Variants in MICAL2 observed in about 807,000 individuals in gnomAD.
MICAL2 encodes [F-actin]-monooxygenase MICAL2.
A neutral mutation model predicts 127.3 loss-of-function variants in MICAL2; 77 were observed. The ratio of observed to expected loss-of-function variants is 0.60; its 90% CI spans 0.50 to 0.73. The LOEUF (loss-of-function observed/expected upper bound fraction) is 0.73. MICAL2 is among the 30% of genes least tolerant of loss of function. MICAL2 has a pLI of 0.00. For missense variants in MICAL2, 1,351 were observed against 1,434.4 expected, an observed-to-expected ratio of 0.94 and a Z score of 0.94; for synonymous variants, 570 against 551.1, an observed-to-expected ratio of 1.03 and a Z score of -0.48.
intron 3 of MICAL2, among the ~76,000 whole-genome samples, chr11:12,180,556 C>A (rs1267300565): frequency 6.6e-6 from 1 of 152,084 alleles, no homozygotes. Flanking sequence ...AATAACATCA[C>A]AATAGTATAA....
At chr11:12,126,679 G>A (rs1850945125) in intron 1 of MICAL2, among the ~76,000 whole-genome samples, 1 of 148,820 alleles carries the variant, frequency 6.7e-6, no homozygotes, top group Non-Finnish European at 1.5e-5. Flanking sequence ...TTTACAGTGG[G>A]CTTGGGAAAG....
chr11:12,268,323 C>A (rs954815697), downstream of MICAL2, among the ~76,000 whole-genome samples: 52 of 152,206 alleles, frequency 3.4e-4, 1 homozygote, highest in Middle Eastern at 6.3e-3. Context: ...GCAGGTGGGC[C>A]TTGGATGCCT....
At chr11:12,114,811 G>T (rs530567594) in intron 1 of MICAL2, among the ~76,000 whole-genome samples, 33 of 152,300 alleles carry the variant, frequency 2.2e-4, no homozygotes, top group Middle Eastern at 3.4e-3. Flanking sequence ...AATAATAGAA[G>T]AACTATCTGC....
Position 12,131,199 on chromosome 11 carries a change from A to G in MICAL2, c.-148-7191A>G, listed in dbSNP as rs1205082722. Among the ~76,000 whole-genome samples, 2 of 82,040 alleles carry G rather than the reference A, an allele frequency of 2.4e-5. 1 individual carries two copies. The highest frequency in any genetic ancestry group is 6.6e-5 in the African/African-American group (2 of 30,102). 53.8% of individuals were successfully genotyped at this position (82,040 alleles called of 152,430 possible). ...TCCCAGCTACTCGGGAGGCTGAGGCAGGAGAATGGCGTGAACCCGGGAGGC... is the reference window on the plus strand; with the variant it reads ...TCCCAGCTACTCGGGAGGCTGAGGCGGGAGAATGGCGTGAACCCGGGAGGC... On this transcript the variant is annotated intron_variant, in intron 1 of 27. Coordinates refer to ENST00000683283, the MANE Select transcript of MICAL2 (RefSeq NM_001282663.2).
downstream of MICAL2, among the ~76,000 whole-genome samples, chr11:12,267,169 G>T (rs541104535): frequency 6.6e-6 from 1 of 152,140 alleles, no homozygotes; most frequent in Non-Finnish European, 1.5e-5. Flanking sequence ...CCACCTGCCG[G>T]TGGACTTTGG....
intron 22 of MICAL2, chr11:12,254,368 G>C: frequency 6.6e-6 from 1 of 152,274 alleles, no homozygotes; most frequent in East Asian, 1.9e-4. Context: ...CCAAGTCTCA[G>C]CACTGGCCCA....
At chr11:12,134,275 A>G (rs1199943785) in intron 1 of MICAL2, among the ~76,000 whole-genome samples, 1 of 152,154 alleles carries the variant, frequency 6.6e-6, no homozygotes, top group African/African-American at 2.4e-5. Flanking sequence ...TCCTCCTTTA[A>G]AAAGAGTTGT....
At chr11:12,293,659 G>T (rs1342867252), downstream of MICAL2, 1 of 1,613,970 alleles carries the variant, frequency 6.2e-7, no homozygotes, top group African/African-American at 1.3e-5. Flanking sequence ...GAGCACCCAG[G>T]GAAATTCCCC....
chr11:12,223,638 A>G, intron 12 of MICAL2, 137 bp downstream of exon 12: 1 of 691,920 alleles, frequency 1.4e-6, no homozygotes, highest in Non-Finnish European at 2.5e-6. Context: ...ATGGGCAGGC[A>G]CCTGTCCTCT....
chr11:12,223,330 T>C (rs923479469), intron 11 of MICAL2, 81 bp from the exon 12 acceptor site: 2 of 1,233,264 alleles, frequency 1.6e-6, no homozygotes, highest in Non-Finnish European at 2.4e-6. Flanking sequence ...GGCACTGAAT[T>C]GGGGGTGGGT....
chr11:12,209,687 C>G (rs1475543930), intron 6 of MICAL2, 89 bp downstream of exon 6: 2 of 1,162,042 alleles, frequency 1.7e-6, no homozygotes, highest in African/African-American at 3.0e-5. Flanking sequence ...GGGCAAGATG[C>G]AGATGCCAGA....
intron 32 of MICAL2, among the ~76,000 whole-genome samples, chr11:12,329,477 G>T (rs1202302723): frequency 6.6e-6 from 1 of 152,214 alleles, no homozygotes; most frequent in Non-Finnish European, 1.5e-5. Context: ...GAGGTGGCAT[G>T]GTGGGAAGTG....
chr11:12,273,497 CA>C (rs771765548), upstream of MICAL2, among the ~76,000 whole-genome samples: 1 of 151,510 alleles, frequency 6.6e-6, no homozygotes, highest in Non-Finnish European at 1.5e-5. Context: ...CCACACGCAC[CA>C]GGGGCTACAA....
At chr11:12,246,986 G>A (rs914132432) in intron 21 of MICAL2, among the ~76,000 whole-genome samples, 1 of 152,204 alleles carries the variant, frequency 6.6e-6, no homozygotes, top group Non-Finnish European at 1.5e-5. Context: ...GAATGCTGGG[G>A]AGGGAAGGGT....
At chr11:12,167,794 A>G (rs1013737698) in intron 3 of MICAL2, among the ~76,000 whole-genome samples, 1 of 152,140 alleles carries the variant, frequency 6.6e-6, no homozygotes, top group Non-Finnish European at 1.5e-5. Context: ...CAATGGTTGC[A>G]TTTGTTACCA....
intron 2 of MICAL2, among the ~76,000 whole-genome samples, chr11:12,151,817 C>A (rs2133724755): frequency 6.6e-6 from 1 of 152,250 alleles, no homozygotes; most frequent in South Asian, 2.1e-4. Context: ...TAGCAAGGGT[C>A]CAGGAGGAAG....
intron 3 of MICAL2, among the ~76,000 whole-genome samples, chr11:12,192,314 G>A (rs35211297): frequency 0.012 from 1,810 of 152,220 alleles, 15 homozygotes; most frequent in Non-Finnish European, 0.019. Context: ...GCTCCAGGTG[G>A]GACTCACTCA....
At position 12,226,320 on chromosome 11, in the gene MICAL2, A is replaced by T. The variant is rs781461476; in HGVS notation, c.1838A>T (p.Tyr613Phe). Reference protein sequence around the residue: ...QEPDKLSMVMYLSKFYELFRG... With the variant: ...QEPDKLSMVMFLSKFYELFRG... ...CCTGACAAGCTCAGCATGGTCATGT[A>T]CCTCTCCAAGTTCTACGAGCTCTTC... The change falls in exon 14 of 28, where the codon TAC (tyrosine) becomes TTC (phenylalanine). Residue 613 changes from tyrosine to phenylalanine, a missense_variant. Transcript: ENST00000683283. The T allele has an allele frequency of 6.2e-7, 1 of 1,614,078 alleles. No individual in the cohort carries two copies. The highest frequency in any genetic ancestry group is 8.5e-7 in the Non-Finnish European group (1 of 1,179,994).
intron 3 of MICAL2, among the ~76,000 whole-genome samples, chr11:12,190,937 C>T (rs540265816): frequency 6.6e-6 from 1 of 152,328 alleles, no homozygotes; most frequent in Admixed American, 6.5e-5. Flanking sequence ...ACAGTATCTT[C>T]TTAAATATAG....
Sources: gnomAD v4.1 joint callset for allele counts (sites outside exome capture counted in the v4.1 genomes callset) on GRCh38, gnomAD v4.1.1 for gene constraint, MANE v1.5 for transcripts, NCBI Gene and HGNC (gene_info 2026-07-23, HGNC 2026-07-21) for gene names.